Variants in PLCXD1 observed in about 807,000 individuals in gnomAD.
PLCXD1 encodes the protein phosphatidylinositol specific phospholipase C X domain containing 1.
A neutral mutation model predicts 37.8 loss-of-function variants in PLCXD1; 45 were observed. The ratio of observed to expected loss-of-function variants is 1.19; its 90% CI spans 0.94 to 1.53. The LOEUF (loss-of-function observed/expected upper bound fraction) is 1.53. Ranked by LOEUF, PLCXD1 falls within the 40% of genes most tolerant of loss-of-function variation. The pLI is 0.00. For synonymous variants in PLCXD1, 246 were observed against 206.9 expected, an observed-to-expected ratio of 1.19 and a Z score of -1.62; for missense variants, 539 against 454.7, an observed-to-expected ratio of 1.19 and a Z score of -1.69.
intron 5 of PLCXD1, among the ~76,000 whole-genome samples, chrX:292,073 G>A (rs751799827): frequency 2.0e-5 from 3 of 152,186 alleles, no homozygotes; most frequent in African/African-American, 4.8e-5. Flanking sequence ...AGGCCGAGGC[G>A]GGCGGATCAC....
At chrX:276,944 G>A (rs918246676), upstream of PLCXD1, among the ~76,000 whole-genome samples, 1 of 152,182 alleles carries the variant, frequency 6.6e-6, no homozygotes, top group African/African-American at 2.4e-5. Flanking sequence ...GCGGGAAGGT[G>A]TAGGTGTCTC....
intron 5 of PLCXD1, among the ~76,000 whole-genome samples, chrX:292,067 C>T (rs1431874003): frequency 7.2e-5 from 11 of 152,066 alleles, no homozygotes; most frequent in Admixed American, 1.3e-4. Flanking sequence ...TTTGGGAGGC[C>T]GAGGCGGGCG....
rs760663099 is a variant in PLCXD1, at chrX:288,845, CG to C, written c.241del (p.Val81CysfsTer2). The C allele has an allele frequency of 6.2e-7, 1 of 1,613,168 alleles. No individual in the cohort carries two copies. Among genetic ancestry groups the C allele is most frequent in the South Asian group, 1.1e-5 (1 of 91,032 alleles). On this transcript the variant is annotated frameshift_variant, in exon 3 of 7. Transcript: ENST00000381657. LOFTEE classifies it high-confidence loss of function. ...KALPCITRPV[V>X]LKWSVTQALD... The stretch of plus-strand genomic sequence containing the variant: ...CCTTGCCCTGCATCACGCGCCCTGT[CG>C]TGCTGAAATGGTCCGTCACCCAGGT...
intron 5 of PLCXD1, 150 bp downstream of exon 5, chrX:291,804 G>A: frequency 1.1e-6 from 1 of 891,038 alleles, no homozygotes; most frequent in Middle Eastern, 3.4e-4. Context: ...CTCCCGCAGT[G>A]TGGGGGGCCC....
chrX:292,102 C>G (rs1488388608), intron 5 of PLCXD1, among the ~76,000 whole-genome samples: 1 of 151,936 alleles, frequency 6.6e-6, no homozygotes, highest in African/African-American at 2.4e-5. Flanking sequence ...GAGATTGAGA[C>G]TATCCTGGCC....
intron 2 of PLCXD1, among the ~76,000 whole-genome samples, chrX:286,239 A>G (rs1435823287): frequency 6.6e-6 from 1 of 151,854 alleles, no homozygotes; most frequent in Non-Finnish European, 1.5e-5. Flanking sequence ...TGATTTTTGT[A>G]TTTTTAGCAG....
At chrX:279,776 A>G (rs372851473), upstream of PLCXD1, among the ~76,000 whole-genome samples, 140 of 75,920 alleles carry the variant, frequency 1.8e-3, 1 homozygote, top group African/African-American at 5.2e-3. Context: ...CCTGTCTCTG[A>G]AAAAAAAAAA....
chrX:287,595 T>C (rs900915751), intron 2 of PLCXD1, among the ~76,000 whole-genome samples: 1 of 83,316 alleles, frequency 1.2e-5, no homozygotes, highest in Admixed American at 1.5e-4. Context: ...ATACTATATA[T>C]GTTTATATAT....
chrX:282,976 T>G (rs188837869), intron 1 of PLCXD1, among the ~76,000 whole-genome samples: 1 of 146,356 alleles, frequency 6.8e-6, no homozygotes. Flanking sequence ...ATATATTATA[T>G]GTATAATATA....
Position 302,278 on chromosome X carries a change from C to CG in PLCXD1, c.*2943_*2944insG, listed in dbSNP as rs922218668. ...CTACAGGTACAAGGGAGACCCCCCC[C>CG]CCACGGAAGGCGCCCCCAGTCCGTG... On this transcript the variant is annotated 3_prime_UTR_variant, in exon 7 of 7. Coordinates refer to ENST00000381657, the MANE Select transcript of PLCXD1 (RefSeq NM_018390.4). The CG allele has an allele frequency of 2.0e-5, 3 of 152,192 alleles. No individual in the cohort carries two copies. The highest frequency in any genetic ancestry group is 4.8e-5 in the African/African-American group (2 of 41,414). The allele number at this position is 152,192 out of a possible 1,614,324, so 9.4% of individuals were successfully genotyped here.
Position 299,700 on chromosome X carries a change from T to G in PLCXD1, c.*365T>G, listed in dbSNP as rs1415909740. 11 of 357,902 alleles carry G rather than the reference T, an allele frequency of 3.1e-5. No individual in the cohort carries two copies. The East Asian group carries it at 5.9e-4, about 19-fold the overall frequency. The allele number at this position is 357,902 out of a possible 1,614,324, so 22.2% of individuals were successfully genotyped here. A position where few individuals can be genotyped will look rare whatever the true frequency, so the allele number is the denominator to read the frequency against. On this transcript the variant is annotated 3_prime_UTR_variant, in exon 7 of 7. Transcript: ENST00000381657. ...TGAAGCCGGGAGATGGAGGTTGCATTGAGCTGACATCGTGCCACTGCACTC... is the reference window on the plus strand; with the variant it reads ...TGAAGCCGGGAGATGGAGGTTGCATGGAGCTGACATCGTGCCACTGCACTC...
rs1009386718 is a variant in PLCXD1, at chrX:281,657, C to G, written c.-49C>G. 6.6e-6 allele frequency: 1 copy of G among 152,202 alleles called. No individual in the cohort carries two copies. The highest frequency in any genetic ancestry group is 2.1e-4 in the South Asian group (1 of 4,812). 9.4% of individuals were successfully genotyped at this position (152,202 alleles called of 1,614,324 possible). On this transcript the variant is annotated 5_prime_UTR_variant, in exon 1 of 7. Coordinates refer to ENST00000381657, the MANE Select transcript of PLCXD1 (RefSeq NM_018390.4). ...GGCTCGAGACCAACAATTCGAATTC[C>G]GAACTCCCCCTGCGTGTGGGACTCA...
At chrX:288,375 T>C (rs1181544562) in intron 2 of PLCXD1, among the ~76,000 whole-genome samples, 2 of 151,680 alleles carry the variant, frequency 1.3e-5, no homozygotes, top group Non-Finnish European at 2.9e-5. Context: ...ATCCCTGGGC[T>C]TGTGGCCGCA....
Position 299,535 on chromosome X carries a change from G to T in PLCXD1, c.*200G>T. 1.7e-6 allele frequency: 1 copy of T among 605,434 alleles called. No individual in the cohort carries two copies. Among genetic ancestry groups the T allele is most frequent in the East Asian group, 2.8e-5 (1 of 36,354 alleles). 37.5% of individuals were successfully genotyped at this position (605,434 alleles called of 1,614,324 possible). A position where few individuals can be genotyped will look rare whatever the true frequency, so the allele number is the denominator to read the frequency against. On this transcript the variant is annotated 3_prime_UTR_variant, in exon 7 of 7. Transcript: ENST00000381657. ...AGCACTTTGGGAGGCCGAGGTGGGT[G>T]GATCATGAGGTCAGGAGCTTGAGAG... is the stretch of plus-strand genomic sequence containing the variant.
At chrX:292,195 C>G (rs2069658377) in intron 5 of PLCXD1, among the ~76,000 whole-genome samples, 1 of 151,960 alleles carries the variant, frequency 6.6e-6, no homozygotes, top group African/African-American at 2.4e-5. Context: ...GTGGCTCACA[C>G]CTGTCATCCC....
At chrX:288,483 G>A (rs755554666) in intron 2 of PLCXD1, among the ~76,000 whole-genome samples, 1 of 152,232 alleles carries the variant, frequency 6.6e-6, no homozygotes, top group Admixed American at 6.5e-5. Context: ...GGATTTGGGG[G>A]CCCGCCCTAC....
Position 284,173 on chromosome X carries a change from C to G in PLCXD1, c.-15C>G. The G allele has an allele frequency of 6.2e-7, 1 of 1,612,658 alleles. No individual in the cohort carries two copies. Among genetic ancestry groups the G allele is most frequent in the Non-Finnish European group, 8.5e-7 (1 of 1,179,628 alleles). On this transcript the variant is annotated 5_prime_UTR_variant, in exon 2 of 7. Transcript: ENST00000381657. ...TCCTCTTCTCCTTCCTCAGGTTGCC[C>G]AGGGCTCACCTCTGATGGGTGGGCA... is the stretch of plus-strand genomic sequence containing the variant.
Position 299,328 on chromosome X carries a change from G to C in PLCXD1, c.965G>C (p.Trp322Ser). Residue 322 changes from tryptophan (W) to serine (S), a missense_variant, in exon 7 of 7, where the codon TGG becomes TCG. Transcript: ENST00000381657. ...DVIALNQKLLWC is the reference protein window; with the variant it reads ...DVIALNQKLLSC ...ATCGCGCTCAATCAGAAGCTGCTGT[G>C]GTGCTGACGGGACCCTTCTGAAGTT... 1 of 1,610,244 alleles carries C rather than the reference G, an allele frequency of 6.2e-7. No homozygotes were observed. The highest frequency in any genetic ancestry group is 8.5e-7 in the Non-Finnish European group (1 of 1,176,534).
chrX:285,621 A>G (rs190551320), intron 2 of PLCXD1, among the ~76,000 whole-genome samples: 3 of 148,356 alleles, frequency 2.0e-5, no homozygotes, highest in Non-Finnish European at 2.9e-5. Context: ...GTACACAGGC[A>G]CACATGCACA....
Sources: gnomAD v4.1 joint callset for allele counts (sites outside exome capture counted in the v4.1 genomes callset) on GRCh38, gnomAD v4.1.1 for gene constraint, MANE v1.5 for transcripts, NCBI Gene and HGNC (gene_info 2026-07-23, HGNC 2026-07-21) for gene names.